ENOX1: variants seen among roughly 807,000 people sequenced by gnomAD.
ENOX1 encodes the protein ecto-NOX disulfide-thiol exchanger 1, also known as candidate growth-related and time keeping constitutive hydroquinone (NADH) oxidase.
A neutral mutation model predicts 82.5 loss-of-function variants in ENOX1; 42 were observed. The ratio of observed to expected loss-of-function variants is 0.51; its 90% confidence interval spans 0.40 to 0.66. ENOX1 has a LOEUF of 0.66. Ranked by LOEUF, ENOX1 falls within the 30% of genes least tolerant of loss-of-function variation. The pLI is 0.00. For missense variants in ENOX1, 608 were observed against 811.6 expected, an observed-to-expected ratio of 0.75 and a Z score of 3.05; for synonymous variants, 271 against 282.2, an observed-to-expected ratio of 0.96 and a Z score of 0.40.
chr13:43,680,199 A>C (rs564371355), intron 1 of ENOX1, among the ~76,000 whole-genome samples: 355 of 152,322 alleles, frequency 2.3e-3, no homozygotes, highest in Non-Finnish European at 4.1e-3. Flanking sequence ...AACTTTCTTA[A>C]AGTATGGTTT....
intron 3 of ENOX1, among the ~76,000 whole-genome samples, chr13:43,455,169 T>C (rs2057168649): frequency 6.6e-6 from 1 of 152,184 alleles, no homozygotes; most frequent in Non-Finnish European, 1.5e-5. Flanking sequence ...ATGTCTTAAT[T>C]CTACTCTCAT....
chr13:43,662,720 C>T (rs1284791514), intron 2 of ENOX1, among the ~76,000 whole-genome samples: 5 of 152,190 alleles, frequency 3.3e-5, no homozygotes. Context: ...ACCGTTTTAA[C>T]AAACATCCAT....
At chr13:43,395,198 G>A (rs1488744590) in intron 5 of ENOX1, among the ~76,000 whole-genome samples, 1 of 152,232 alleles carries the variant, frequency 6.6e-6, no homozygotes, top group Non-Finnish European at 1.5e-5. Context: ...CTACTGTGGG[G>A]CAGATCACTA....
intron 5 of ENOX1, among the ~76,000 whole-genome samples, chr13:43,407,130 G>A (rs898128660): frequency 6.6e-6 from 1 of 152,178 alleles, no homozygotes; most frequent in African/African-American, 2.4e-5. Context: ...CACACAAGAG[G>A]TGCCAAAGCT....
rs2057976058 is a variant in ENOX1, at chr13:43,470,341, C to CGTGTATATATAT, written c.-75+13667_-75+13668insATATATATACAC. Reference sequence around the variant, plus strand: ...ACACATATATATATGTATATATATACGTATATATATATGTATATATATACG... The same window carrying CGTGTATATATAT: ...ACACATATATATATGTATATATATACGTGTATATATATGTATATATATATGTATATATATACG... On this transcript the variant is annotated intron_variant, in intron 3 of 16. Coordinates refer to ENST00000690772, the MANE Select transcript of ENOX1 (RefSeq NM_001347969.2). Among the ~76,000 whole-genome samples, 8 of 8,050 alleles carry CGTGTATATATAT rather than the reference C, an allele frequency of 9.9e-4. 1 individual carries two copies. Among genetic ancestry groups the CGTGTATATATAT allele is most frequent in the Non-Finnish European group, 3.8e-3 (8 of 2,132 alleles). The allele number at this position is 8,050 out of a possible 152,430, so 5.3% of individuals were successfully genotyped here.
chr13:43,741,892 A>G (rs1378007161), intron 1 of ENOX1, among the ~76,000 whole-genome samples: 1 of 152,210 alleles, frequency 6.6e-6, no homozygotes, highest in Non-Finnish European at 1.5e-5. Flanking sequence ...GGCCTTTAAA[A>G]TATTTTTGAA....
At chr13:43,726,004 G>A (rs949363520) in intron 1 of ENOX1, among the ~76,000 whole-genome samples, 5 of 151,592 alleles carry the variant, frequency 3.3e-5, no homozygotes, top group Non-Finnish European at 5.9e-5. Context: ...ACTTTCTTTG[G>A]TAACCAGATA....
chr13:43,368,262 T>C (rs1316644206), intron 5 of ENOX1, among the ~76,000 whole-genome samples: 3 of 152,224 alleles, frequency 2.0e-5, no homozygotes, highest in Admixed American at 2.0e-4. Context: ...CTGTCTCCTT[T>C]GACCAGGATG....
At chr13:43,374,619 G>A (rs1460366799) in intron 5 of ENOX1, among the ~76,000 whole-genome samples, 1 of 152,180 alleles carries the variant, frequency 6.6e-6, no homozygotes, top group Non-Finnish European at 1.5e-5. Flanking sequence ...TCATTCAGGG[G>A]TCTATATTTC....
At chr13:43,220,995 G>A (rs965993557) in intron 16 of ENOX1, among the ~76,000 whole-genome samples, 1 of 152,180 alleles carries the variant, frequency 6.6e-6, no homozygotes, top group African/African-American at 2.4e-5. Flanking sequence ...TGTTTGCAGA[G>A]GTATGCTATT....
At chr13:43,250,170 G>T (rs776808044) in intron 14 of ENOX1, among the ~76,000 whole-genome samples, 16 of 152,132 alleles carry the variant, frequency 1.1e-4, no homozygotes, top group Admixed American at 2.6e-4. Flanking sequence ...CTGGAAGTTA[G>T]TGGCATCATG....
At chr13:43,250,711 G>A (rs1190319700) in intron 14 of ENOX1, among the ~76,000 whole-genome samples, 1 of 152,162 alleles carries the variant, frequency 6.6e-6, no homozygotes, top group Non-Finnish European at 1.5e-5. Flanking sequence ...GGTACATTTT[G>A]TGTTAAGACA....
chr13:43,450,523 T>C (rs2056906857), intron 3 of ENOX1, among the ~76,000 whole-genome samples: 1 of 151,884 alleles, frequency 6.6e-6, no homozygotes, highest in South Asian at 2.1e-4. Context: ...GCAGAGGAAA[T>C]ACGGGGAAAA....
chr13:43,362,209 C>T (rs910842153), intron 5 of ENOX1, among the ~76,000 whole-genome samples: 1 of 148,734 alleles, frequency 6.7e-6, no homozygotes, highest in Non-Finnish European at 1.5e-5. Flanking sequence ...AGAAAGTGTG[C>T]AAAACAAATG....
chr13:43,514,421 T>C (rs2077483669), intron 2 of ENOX1, among the ~76,000 whole-genome samples: 1 of 152,178 alleles, frequency 6.6e-6, no homozygotes, highest in Non-Finnish European at 1.5e-5. Context: ...TTATTTTTTC[T>C]AAGTCCACCC....
intron 5 of ENOX1, among the ~76,000 whole-genome samples, chr13:43,404,072 T>C (rs1305657143): frequency 6.6e-6 from 1 of 152,136 alleles, no homozygotes; most frequent in East Asian, 1.9e-4. Flanking sequence ...GCCTTCTAGA[T>C]ACAAACCCAG....
At chr13:43,616,096 C>A (rs13378585) in intron 2 of ENOX1, among the ~76,000 whole-genome samples, 6 of 81,990 alleles carry the variant, frequency 7.3e-5, no homozygotes, top group Non-Finnish European at 1.7e-4. Context: ...ATATATATAT[C>A]TATATAGATA....
intron 3 of ENOX1, among the ~76,000 whole-genome samples, chr13:43,478,345 G>A (rs898554367): frequency 3.3e-5 from 5 of 151,978 alleles, no homozygotes; most frequent in Admixed American, 1.3e-4. Flanking sequence ...GTAGAGGAAC[G>A]TGTTCTCATA....
chr13:43,453,243 ACCCTGCAG>A (rs1056123613), intron 3 of ENOX1, among the ~76,000 whole-genome samples: 7 of 152,138 alleles, frequency 4.6e-5, no homozygotes, highest in African/African-American at 1.7e-4. Context: ...GCTACCTGTA[ACCCTGCAG>A]AGTCAAATTA....
Sources: allele counts gnomAD v4.1 joint callset (sites outside exome capture counted in the v4.1 genomes callset), GRCh38; gene constraint gnomAD v4.1.1; transcripts MANE v1.5; gene names NCBI Gene and HGNC (gene_info 2026-07-23, HGNC 2026-07-21).